Variants in RGS22 observed in about 807,000 individuals in gnomAD.
RGS22 encodes regulator of G protein signaling 22.
Under a neutral mutation model 172.9 loss-of-function variants are expected in RGS22, and 148 were observed. The observed-to-expected ratio is 0.86, with a 90% CI of 0.75 to 0.98. The LOEUF is 0.98. RGS22 is among the 50% of genes least tolerant of loss of function. The probability of loss-of-function intolerance (pLI) is 0.00; values close to 1 mark genes in which losing one functional copy is unlikely to be tolerated. For missense variants in RGS22, 1,347 were observed against 1,440.8 expected, an observed-to-expected ratio of 0.93 and a Z score of 1.05; for synonymous variants, 458 against 480.2, an observed-to-expected ratio of 0.95 and a Z score of 0.60.
intron 14 of RGS22, among the ~76,000 whole-genome samples, chr8:100,019,719 T>A (rs1009416612): frequency 2.0e-5 from 3 of 152,148 alleles, no homozygotes; most frequent in Non-Finnish European, 4.4e-5. Context: ...CCCTTTTTTT[T>A]AGACCCATTA....
rs760280327 is a variant in RGS22, at chr8:100,006,111, TA to T, written c.2362-3del. 153 of 1,601,648 alleles carry T rather than the reference TA, an allele frequency of 9.6e-5. No individual in the cohort carries two copies. Among genetic ancestry groups the T allele is most frequent in the Middle Eastern group, 3.3e-4 (2 of 6,042 alleles). On this transcript the variant is annotated splice_region_variant and splice_polypyrimidine_tract_variant and intron_variant, in intron 15 of 27. Transcript: ENST00000360863. ...TCGAGTTTCTTCCACCAGCTCCACC[TA>T]AAAAAAATAAATAAAGCTTGTGACA...
At chr8:100,018,447 C>A in intron 14 of RGS22, among the ~76,000 whole-genome samples, 1 of 136,294 alleles carries the variant, frequency 7.3e-6, no homozygotes, top group Non-Finnish European at 1.6e-5. Flanking sequence ...CACACACACA[C>A]AAAAGAGGGT....
At chr8:100,068,104 A>AGCG (rs1453813446) in intron 6 of RGS22, among the ~76,000 whole-genome samples, 2 of 152,160 alleles carry the variant, frequency 1.3e-5, no homozygotes, top group Admixed American at 6.6e-5. Flanking sequence ...ATATAGTTAA[A>AGCG]GCGGCAATGT....
chr8:100,037,270 C>T (rs1819607666), intron 14 of RGS22, among the ~76,000 whole-genome samples: 2 of 151,966 alleles, frequency 1.3e-5, no homozygotes, highest in African/African-American at 2.4e-5. Context: ...CTCCAGCCTG[C>T]GTGACAGGGC....
intron 17 of RGS22, 111 bp from the exon 18 acceptor site, chr8:100,002,475 T>G: frequency 1.1e-6 from 1 of 948,396 alleles, no homozygotes; most frequent in Non-Finnish European, 1.5e-6. Flanking sequence ...TCTTGACTAG[T>G]AGCATTAGAT....
chr8:99,990,795 C>T (rs1173163427), intron 20 of RGS22, among the ~76,000 whole-genome samples: 2 of 152,214 alleles, frequency 1.3e-5, no homozygotes, highest in Non-Finnish European at 2.9e-5. Context: ...AACGGACAGA[C>T]TGCCTCCTCA....
chr8:100,072,276 CT>C, intron 4 of RGS22, 46 bp from the exon 5 acceptor site: 1 of 1,251,136 alleles, frequency 8.0e-7, no homozygotes, highest in South Asian at 1.3e-5. Context: ...GAGAAAATCA[CT>C]TTTAGGATGA....
At chr8:99,983,414 CCCA>C (rs1355400058) in intron 21 of RGS22, among the ~76,000 whole-genome samples, 1 of 152,122 alleles carries the variant, frequency 6.6e-6, no homozygotes, top group Non-Finnish European at 1.5e-5. Flanking sequence ...AATTTACATT[CCCA>C]CCAATAGTGT....
chr8:100,034,739 G>GT (rs1563645587), intron 14 of RGS22, among the ~76,000 whole-genome samples: 1 of 151,346 alleles, frequency 6.6e-6, no homozygotes, highest in African/African-American at 2.4e-5. Flanking sequence ...CAGTAGTATG[G>GT]TACTGGTACC....
intron 19 of RGS22, among the ~76,000 whole-genome samples, chr8:99,997,174 G>A (rs1814487348): frequency 6.6e-6 from 1 of 152,186 alleles, no homozygotes; most frequent in South Asian, 2.1e-4. Context: ...ACTCTTAAGT[G>A]TGTGAGGTGG....
intron 2 of RGS22, among the ~76,000 whole-genome samples, chr8:100,098,560 A>G (rs1029752018): frequency 1.3e-5 from 2 of 152,224 alleles, no homozygotes; most frequent in African/African-American, 4.8e-5. Flanking sequence ...GGAGGAAGAT[A>G]TTAAAGTGGT....
chr8:100,071,615 G>T, intron 5 of RGS22, 78 bp from the exon 6 acceptor site: 1 of 1,187,206 alleles, frequency 8.4e-7, no homozygotes, highest in Non-Finnish European at 1.2e-6. Flanking sequence ...AAAATTTTAT[G>T]TATTCAAGCC....
chr8:99,974,039 G>C (rs1563561439), intron 23 of RGS22, among the ~76,000 whole-genome samples: 1 of 151,894 alleles, frequency 6.6e-6, no homozygotes, highest in Non-Finnish European at 1.5e-5. Flanking sequence ...TAGCAAAATG[G>C]GTATTTTCTG....
intron 14 of RGS22, among the ~76,000 whole-genome samples, chr8:100,023,193 T>C (rs539751888): frequency 5.9e-5 from 9 of 152,280 alleles, no homozygotes; most frequent in Admixed American, 5.2e-4. Context: ...TAGGTCTATG[T>C]TTACCAGCAC....
At chr8:100,012,821 T>C (rs532005096) in intron 14 of RGS22, among the ~76,000 whole-genome samples, 10 of 152,064 alleles carry the variant, frequency 6.6e-5, no homozygotes, top group Non-Finnish European at 1.3e-4. Flanking sequence ...CAGGCTAAAT[T>C]AGGGGAGAAA....
chr8:100,020,804 C>G (rs1281776290), intron 14 of RGS22, among the ~76,000 whole-genome samples: 2 of 152,216 alleles, frequency 1.3e-5, no homozygotes, highest in Non-Finnish European at 2.9e-5. Flanking sequence ...ATAATGACTA[C>G]TCAAAACTCA....
chr8:100,051,682 CATATATATATTTATATATACGT>C (rs1296814035), intron 10 of RGS22, among the ~76,000 whole-genome samples: 3 of 17,162 alleles, frequency 1.7e-4, no homozygotes, highest in South Asian at 1.8e-3. Context: ...TATGTTTATA[CATATATATATTTATATATACGT>C]ATATATAAAT....
chr8:100,032,012 A>G (rs1818868894), intron 14 of RGS22, among the ~76,000 whole-genome samples: 1 of 152,218 alleles, frequency 6.6e-6, no homozygotes, highest in Non-Finnish European at 1.5e-5. Flanking sequence ...GAACTCCTGA[A>G]GGAAGCACTA....
chr8:100,005,146 T>C (rs2131349682), intron 16 of RGS22, among the ~76,000 whole-genome samples: 1 of 152,178 alleles, frequency 6.6e-6, no homozygotes, highest in South Asian at 2.1e-4. Flanking sequence ...ATGTATCCTT[T>C]GCAAGCTAGT....
Sources: allele counts gnomAD v4.1 joint callset (sites outside exome capture counted in the v4.1 genomes callset), GRCh38; gene constraint gnomAD v4.1.1; transcripts MANE v1.5; gene names NCBI Gene and HGNC (gene_info 2026-07-23, HGNC 2026-07-21).